SYNE2: variants seen among roughly 807,000 people sequenced by gnomAD.
SYNE2 encodes nesprin-2.
SYNE2 carries 431 observed loss-of-function variants against 856.3 expected under a neutral mutation model. The ratio of observed to expected loss-of-function variants is 0.50; its 90% CI spans 0.47 to 0.55. The LOEUF is 0.55. Among genes scored for constraint, SYNE2 ranks in the 20% least tolerant of loss-of-function variants. The probability of loss-of-function intolerance (pLI) is 0.00; values close to 1 mark genes in which losing one functional copy is unlikely to be tolerated. For missense variants in SYNE2, 8,129 were observed against 8,023.2 expected, an observed-to-expected ratio of 1.01 and a Z score of -0.50; for synonymous variants, 2,923 against 2,872.3, an observed-to-expected ratio of 1.02 and a Z score of -0.56.
chr14:64,030,981 G>A, intron 44 of SYNE2, 35 bp from the exon 45 acceptor site: 1 of 1,493,834 alleles, frequency 6.7e-7, no homozygotes, highest in Non-Finnish European at 9.3e-7. Flanking sequence ...TGTGGCAATT[G>A]AATGGAGATA....
chr14:63,948,040 G>T (rs1459916925), intron 6 of SYNE2, among the ~76,000 whole-genome samples: 1 of 152,132 alleles, frequency 6.6e-6, no homozygotes, highest in Non-Finnish European at 1.5e-5. Context: ...AGTGTAAGTT[G>T]TCCAACTTAT....
rs57358817 is a variant in SYNE2, at chr14:64,089,369, GAAAAAAAA to G, written c.11671-184_11671-177del. Among the ~76,000 whole-genome samples the G allele has an allele frequency of 7.4e-3, 376 of 50,486 alleles. 1 individual carries two copies. Among genetic ancestry groups the G allele is most frequent in the African/African-American group, 0.029 (355 of 12,452 alleles). 33.1% of individuals were successfully genotyped at this position (50,486 alleles called of 152,430 possible). ...CAACAAGAGCGAAACTCCGTCTCAG[GAAAAAAAA>G]AAAAAAAAAAAAAAAAAAAAGGAAA... On this transcript the variant is annotated intron_variant, in intron 58 of 115. Coordinates refer to ENST00000555002, the MANE Select transcript of SYNE2 (RefSeq NM_182914.3).
rs745516407 is a variant in SYNE2 at position 64,107,608 on chromosome 14, G to A, written c.12609+1G>A. 26 of 1,611,690 alleles carry A rather than the reference G, an allele frequency of 1.6e-5. No homozygotes were observed. The highest frequency in any genetic ancestry group is 2.7e-5 in the African/African-American group (2 of 74,870). ...CCTAAGGCCCAACCAAACAGAAGAG[G>A]TAAGTCCTGGTTGGTAATAAGTAAA... On this transcript the variant is annotated splice_donor_variant, in intron 65 of 115. Transcript: ENST00000555002. LOFTEE classifies it high-confidence loss of function.
rs1185755887 is a variant in SYNE2, at chr14:64,137,883, G to A, written c.14743G>A (p.Glu4915Lys). 1 of 1,614,196 alleles carries A rather than the reference G, an allele frequency of 6.2e-7. No individual in the cohort carries two copies. Among genetic ancestry groups the A allele is most frequent in the Admixed American group, 1.7e-5 (1 of 60,020 alleles). ...GGCGTCTGTGAGCTGTCCTGAATTAGAGGGCCAGATCGCAAAACTGGAAGA... is the reference window on the plus strand; with the variant it reads ...GGCGTCTGTGAGCTGTCCTGAATTAAAGGGCCAGATCGCAAAACTGGAAGA... ...LVASVSCPELEGQIAKLEEQW... is the reference protein window; with the variant it reads ...LVASVSCPELKGQIAKLEEQW... The change falls in exon 79 of 116, where the codon GAG becomes AAG. Residue 4915 changes from glutamate to lysine, a missense_variant. By Grantham distance (56) the Glu-to-Lys change is moderately conservative. Transcript: ENST00000555002.
intron 1 of SYNE2, among the ~76,000 whole-genome samples, chr14:63,877,739 A>G (rs545079783): frequency 2.0e-5 from 3 of 152,070 alleles, no homozygotes; most frequent in Middle Eastern, 3.4e-3. Context: ...TGTGTTCCCT[A>G]TGTGTGTGTT....
At chr14:63,835,943 G>A (rs983762211) in intron 1 of SYNE2, among the ~76,000 whole-genome samples, 19 of 147,098 alleles carry the variant, frequency 1.3e-4, no homozygotes, top group Admixed American at 7.6e-4. Context: ...AGATCGTGCC[G>A]TTGCACTCCA....
At chr14:64,100,851 G>A (rs2097722833) in intron 63 of SYNE2, among the ~76,000 whole-genome samples, 1 of 149,020 alleles carries the variant, frequency 6.7e-6, no homozygotes, top group Non-Finnish European at 1.5e-5. Flanking sequence ...TTTATTTTCT[G>A]CTTCTATGAG....
intron 7 of SYNE2, 34 bp downstream of exon 7, chr14:63,950,040 A>G: frequency 1.2e-6 from 2 of 1,611,590 alleles, no homozygotes; most frequent in Non-Finnish European, 1.7e-6. Context: ...AGAGACACAC[A>G]GGGCAGCTGT....
intron 2 of SYNE2, among the ~76,000 whole-genome samples, chr14:63,926,619 C>G (rs913737714): frequency 6.6e-6 from 1 of 152,158 alleles, no homozygotes; most frequent in African/African-American, 2.4e-5. Flanking sequence ...GGCTTGTGGG[C>G]AATAGTTTGC....
chr14:63,773,667 T>C (rs1457476580), intron 1 of SYNE2, among the ~76,000 whole-genome samples: 1 of 152,172 alleles, frequency 6.6e-6, no homozygotes, highest in East Asian at 1.9e-4. Context: ...GTTCAAACAA[T>C]CTTCCTGTCT....
intron 50 of SYNE2, among the ~76,000 whole-genome samples, chr14:64,065,168 T>C (rs2097349315): frequency 6.6e-6 from 1 of 152,148 alleles, no homozygotes; most frequent in Admixed American, 6.5e-5. Context: ...TGGCAAATAT[T>C]TGCTTTTGAA....
intron 48 of SYNE2, among the ~76,000 whole-genome samples, chr14:64,053,863 G>A (rs2153578041): frequency 6.6e-6 from 1 of 152,266 alleles, no homozygotes; most frequent in Admixed American, 6.5e-5. Context: ...CAGCTACTCA[G>A]GAGGCTGAGG....
chr14:64,214,461 G>A lies in SYNE2; in HGVS notation c.19324G>A (p.Ala6442Thr), dbSNP rs778042205. The A allele has an allele frequency of 1.1e-5, 17 of 1,612,246 alleles. No homozygotes were observed. Among genetic ancestry groups the A allele is most frequent in the Non-Finnish European group, 1.4e-5 (16 of 1,179,736 alleles). ...GGACGAGGAGGGCCCATACTACAGC[G>A]CACTGTCAGGTAACAGCTGGGTTCC... is the stretch of plus-strand genomic sequence containing the variant. ...EEDEEGPYYS[A>T]LSDVEIPENP... Residue 6442 changes from alanine (A) to threonine (T), a missense_variant, in exon 106 of 116, where the codon GCA (alanine) becomes ACA (threonine). Physicochemically the swap from Ala to Thr is moderately conservative, Grantham distance 58. Coordinates refer to ENST00000555002, the MANE Select transcript of SYNE2 (RefSeq NM_182914.3).
rs189764375 is a variant in SYNE2 at position 63,975,274 on chromosome 14, C to G, written c.1129-1289C>G. On this transcript the variant is annotated intron_variant, in intron 11 of 115. Transcript: ENST00000555002. ...TCTCCTTGAGCCACAATTTTGATAT[C>G]TTTAATGTGTTTCTTTTCGTTTTAT... 2.6e-5 allele frequency among the ~76,000 whole-genome samples: 4 copies of G among 152,062 alleles called. No homozygotes were observed. In the East Asian group the frequency reaches 7.7e-4, roughly 29 times the overall value.
At position 64,132,267 on chromosome 14, in the gene SYNE2, T is replaced by G. The variant is rs1408658514; in HGVS notation, c.14343T>G (p.Val4781=). The G allele has an allele frequency of 1.2e-6, 2 of 1,613,274 alleles. No individual in the cohort carries two copies. Among genetic ancestry groups the G allele is most frequent in the Non-Finnish European group, 1.7e-6 (2 of 1,180,014 alleles). Residue 4781 remains valine (V), a splice_region_variant and synonymous_variant, in exon 77 of 116, where the codon GTT becomes GTG. Transcript: ENST00000555002. ...TTAAAACTTTCTCCATCTCATAGGT[T>G]TTTTTCCAGAAGCTTGTTGCTGACA... is the stretch of plus-strand genomic sequence containing the variant. ...ALQAQIENHK[V]FFQKLVADML...
intron 108 of SYNE2, 79 bp from the exon 109 acceptor site, chr14:64,218,319 T>G (rs2098676518): frequency 7.7e-7 from 1 of 1,296,490 alleles, no homozygotes; most frequent in African/African-American, 1.4e-5. Context: ...TTCTTCACTG[T>G]TAATATGAAA....
chr14:64,186,101 A>G (rs1255128986), intron 96 of SYNE2, among the ~76,000 whole-genome samples: 1 of 152,152 alleles, frequency 6.6e-6, no homozygotes, highest in Non-Finnish European at 1.5e-5. Flanking sequence ...GTGTGTGTGT[A>G]AAGATTATTA....
chr14:63,962,186 GCTGGA>G (rs942685819), intron 9 of SYNE2, among the ~76,000 whole-genome samples: 3 of 151,766 alleles, frequency 2.0e-5, no homozygotes, highest in Non-Finnish European at 4.4e-5. Context: ...CTCCCAAGTA[GCTGGA>G]ATTACAGGCA....
chr14:64,174,849 TAAGAA>T, intron 94 of SYNE2, 90 bp from the exon 95 acceptor site: 6 of 1,191,928 alleles, frequency 5.0e-6, no homozygotes, highest in East Asian at 4.9e-5. Flanking sequence ...GTTTAACTCT[TAAGAA>T]AAGCTCTGAA....
Sources: allele counts gnomAD v4.1 joint callset (sites outside exome capture counted in the v4.1 genomes callset), GRCh38; gene constraint gnomAD v4.1.1; transcripts MANE v1.5; gene names NCBI Gene and HGNC (gene_info 2026-07-23, HGNC 2026-07-21).